Variants in CNN3 observed in about 807,000 individuals in gnomAD.
CNN3 encodes the protein calponin 3.
A neutral mutation model predicts 39.0 loss-of-function variants in CNN3; 11 were observed. The observed-to-expected ratio is 0.28, with a 90% CI of 0.18 to 0.47. CNN3 has a LOEUF of 0.47. Ranked by LOEUF, CNN3 falls within the 20% of genes least tolerant of loss-of-function variation. The probability of loss-of-function intolerance (pLI) is 0.99; values close to 1 mark genes in which losing one functional copy is unlikely to be tolerated. For missense variants in CNN3, 266 were observed against 403.4 expected, an observed-to-expected ratio of 0.66 and a Z score of 2.92; for synonymous variants, 101 against 138.3, an observed-to-expected ratio of 0.73 and a Z score of 1.89.
intron 1 of CNN3, among the ~76,000 whole-genome samples, chr1:94,921,104 A>C (rs3789711): frequency 0.092 from 14,045 of 152,266 alleles, 1,196 homozygotes; most frequent in East Asian, 0.4. Context: ...CTGAGAAAGA[A>C]AATGCAGGGC....
chr1:94,926,014 A>G lies in CNN3; in HGVS notation c.57+824T>C, dbSNP rs76032537. 0.068 allele frequency among the ~76,000 whole-genome samples: 10,354 copies of G among 152,250 alleles called. 394 individuals carry two copies. The highest frequency in any genetic ancestry group is 0.088 in the Non-Finnish European group (5,978 of 68,008). Reference sequence around the variant, plus strand: ...ATAAACCTAACGCATTCTTGGGCTCAGTGGCAAAGCTGAGCGTCACCAAAT... The same window carrying G: ...ATAAACCTAACGCATTCTTGGGCTCGGTGGCAAAGCTGAGCGTCACCAAAT... On this transcript the variant is annotated intron_variant, in intron 1 of 6. Coordinates refer to ENST00000370206, the MANE Select transcript of CNN3 (RefSeq NM_001839.5). The surrounding 1 kb of genome is among the most constrained non-coding windows in gnomAD (Gnocchi z 4.2).
At chr1:94,903,301 G>C in intron 2 of CNN3, 102 bp downstream of exon 2, 1 of 1,542,248 alleles carries the variant, frequency 6.5e-7, no homozygotes. Context: ...GATATCTGTA[G>C]AATATCAAGG....
At position 94,897,689 on chromosome 1, in the gene CNN3, G is replaced by A. The variant is rs1033620439; in HGVS notation, c.*53C>T. 4.0e-6 allele frequency: 6 copies of A among 1,498,290 alleles called. No individual in the cohort carries two copies. The South Asian group carries it at 6.1e-5, about 15-fold the overall frequency. 92.8% of individuals were successfully genotyped at this position (1,498,290 alleles called of 1,614,324 possible). ...ATAAAAATTACTCAAGGCTAGCTTG[G>A]TTCTCACTGAATAAAAACAAAGGAC... is the stretch of plus-strand genomic sequence containing the variant. On this transcript the variant is annotated 3_prime_UTR_variant, in exon 7 of 7. Coordinates refer to ENST00000370206, the MANE Select transcript of CNN3 (RefSeq NM_001839.5).
chr1:94,911,370 T>C (rs1671159777), intron 1 of CNN3, among the ~76,000 whole-genome samples: 1 of 152,228 alleles, frequency 6.6e-6, no homozygotes, highest in African/African-American at 2.4e-5. Flanking sequence ...GATCAAGGTA[T>C]CAGCATATGG....
At chr1:94,921,079 C>T in intron 1 of CNN3, among the ~76,000 whole-genome samples, 1 of 152,150 alleles carries the variant, frequency 6.6e-6, no homozygotes, top group East Asian at 1.9e-4. Flanking sequence ...TTTCTCCAAC[C>T]ACCACCTAGT....
In CNN3 at chr1:94,902,150, G is replaced by GAACC; in HGVS notation, c.351_354dup (p.Gln119GlyfsTer13). 6.2e-7 allele frequency: 1 copy of GAACC among 1,613,454 alleles called. No individual in the cohort carries two copies. Among genetic ancestry groups the GAACC allele is most frequent in the Non-Finnish European group, 8.5e-7 (1 of 1,179,368 alleles). On this transcript the variant is annotated frameshift_variant, in exon 4 of 7. Transcript: ENST00000370206. LOFTEE classifies it high-confidence loss of function. ...CCTGCTAGAGCCACCAGAGTAGTCT[G>GAACC]AACCTGGGTCATGTTTCCATTCTCA...
At chr1:94,922,739 G>A (rs1041684554) in intron 1 of CNN3, among the ~76,000 whole-genome samples, 17 of 152,258 alleles carry the variant, frequency 1.1e-4, no homozygotes, top group Admixed American at 7.8e-4. Flanking sequence ...AAGCGCACCC[G>A]GCAAACAAGC....
At position 94,901,657 on chromosome 1, in the gene CNN3, C is replaced by T. The variant is rs369164873; in HGVS notation, c.501+12G>A. The T allele has an allele frequency of 5.2e-6, 8 of 1,548,986 alleles. No homozygotes were observed. The African/African-American group carries it at 9.5e-5, about 18-fold the overall frequency. Reference sequence around the variant, plus strand: ...GAATAAGTAATTGAATAAGCAACACCACATTACTTACCTGCAGACCAATTA... The same window carrying T: ...GAATAAGTAATTGAATAAGCAACACTACATTACTTACCTGCAGACCAATTA... On this transcript the variant is annotated intron_variant, in intron 5 of 6. Coordinates refer to ENST00000370206, the MANE Select transcript of CNN3 (RefSeq NM_001839.5).
At chr1:94,913,025 A>G (rs1022799284) in intron 1 of CNN3, among the ~76,000 whole-genome samples, 1 of 152,110 alleles carries the variant, frequency 6.6e-6, no homozygotes, top group African/African-American at 2.4e-5. Flanking sequence ...TTTGGTCATT[A>G]ATGACTTGGA....
At chr1:94,925,408 T>C (rs530441467) in intron 1 of CNN3, among the ~76,000 whole-genome samples, 1 of 152,372 alleles carries the variant, frequency 6.6e-6, no homozygotes, top group East Asian at 1.9e-4. Context: ...TTGCACTCAA[T>C]CATACACAAA....
chr1:94,899,143 G>A (rs75752573), intron 6 of CNN3, among the ~76,000 whole-genome samples: 3,031 of 151,922 alleles, frequency 0.02, 122 homozygotes, highest in Non-Finnish European at 0.019. Flanking sequence ...TTTTCTGCTG[G>A]CTAGGTAGAA....
intron 1 of CNN3, among the ~76,000 whole-genome samples, chr1:94,908,787 C>T (rs1435660631): frequency 1.3e-5 from 2 of 152,200 alleles, no homozygotes; most frequent in East Asian, 3.9e-4. Context: ...GTGATCCGCC[C>T]ACCTCAGCCT....
chr1:94,923,413 C>T (rs1456196506), intron 1 of CNN3, among the ~76,000 whole-genome samples: 1 of 151,908 alleles, frequency 6.6e-6, no homozygotes, highest in Non-Finnish European at 1.5e-5. Context: ...TTTGTAAACT[C>T]TAAGTTATTG....
In CNN3 at chr1:94,901,956, T is replaced by C. The variant is rs555795573; in HGVS notation, c.384+165A>G. On this transcript the variant is annotated intron_variant, in intron 4 of 6. Coordinates refer to ENST00000370206, the MANE Select transcript of CNN3 (RefSeq NM_001839.5). ...AAATGTGAGTGTTCTAAGTAAGCTA[T>C]CTAGTACGATGCAGCTGATGTCAGC... The C allele has an allele frequency of 9.7e-6, 7 of 724,776 alleles. No homozygotes were observed. In the South Asian group the frequency reaches 1.2e-4, roughly 13 times the overall value. The allele number at this position is 724,776 out of a possible 1,614,324, so 44.9% of individuals were successfully genotyped here.
intron 1 of CNN3, among the ~76,000 whole-genome samples, chr1:94,921,256 G>A (rs765707528): frequency 8.5e-5 from 13 of 152,144 alleles, no homozygotes; most frequent in Non-Finnish European, 1.5e-4. Context: ...TTAGTCAGAT[G>A]TGGTGGCAGG....
At chr1:94,907,958 C>G (rs1671053349) in intron 1 of CNN3, among the ~76,000 whole-genome samples, 1 of 152,222 alleles carries the variant, frequency 6.6e-6, no homozygotes, top group African/African-American at 2.4e-5. Flanking sequence ...CTTGGCCTTC[C>G]CAAGCTGCTT....
rs1318935929 is a variant in CNN3, at chr1:94,897,618, T to A, written c.*124A>T. 1.1e-6 allele frequency: 1 copy of A among 903,600 alleles called. No homozygotes were observed. Among genetic ancestry groups the A allele is most frequent in the Non-Finnish European group, 1.7e-6 (1 of 603,144 alleles). 56.0% of individuals were successfully genotyped at this position (903,600 alleles called of 1,614,324 possible). A position where few individuals can be genotyped will look rare whatever the true frequency, so the allele number is the denominator to read the frequency against. On this transcript the variant is annotated 3_prime_UTR_variant, in exon 7 of 7. Coordinates refer to ENST00000370206, the MANE Select transcript of CNN3 (RefSeq NM_001839.5). ...GAAAAAGGAATGTACGTAAGGCAAT[T>A]TTTCTTAAAAGTACAATAAGCTTAA...
At chr1:94,925,947 G>C (rs1671565291) in intron 1 of CNN3, 1 of 438,878 alleles carries the variant, frequency 2.3e-6, no homozygotes, top group Non-Finnish European at 3.0e-6. Flanking sequence ...ATTTGGGGAG[G>C]GGGACGCCTC....
intron 1 of CNN3, among the ~76,000 whole-genome samples, chr1:94,919,691 C>T (rs2101739590): frequency 6.6e-6 from 1 of 152,298 alleles, no homozygotes; most frequent in East Asian, 1.9e-4. Context: ...CTAGAGTTCC[C>T]TGGAAAATTA....
Sources: gnomAD v4.1 joint callset for allele counts (sites outside exome capture counted in the v4.1 genomes callset) on GRCh38, gnomAD v4.1.1 for gene constraint, Gnocchi (gnomAD v3.1) non-coding constraint, MANE v1.5 for transcripts, NCBI Gene and HGNC (gene_info 2026-07-23, HGNC 2026-07-21) for gene names.